DDHD2: variants seen among roughly 807,000 people sequenced by gnomAD.
DDHD2 encodes triacylglycerol hydrolase DDHD2.
Under a neutral mutation model 91.2 loss-of-function variants are expected in DDHD2, and 62 were observed. The observed-to-expected ratio is 0.68, with a 90% CI of 0.55 to 0.84. The LOEUF (loss-of-function observed/expected upper bound fraction) is 0.84. Ranked by LOEUF, DDHD2 falls within the 40% of genes least tolerant of loss-of-function variation. The pLI, the probability that DDHD2 is intolerant of heterozygous loss-of-function variation, is 0.00. For synonymous variants in DDHD2, 271 were observed against 293.9 expected (o/e 0.92, Z 0.80); for missense variants, 740 against 846.9 (o/e 0.87, Z 1.57).
chr8:38,266,105 A>C (rs1428697665), downstream of DDHD2: 1 of 1,598,278 alleles, frequency 6.3e-7, no homozygotes, highest in African/African-American at 1.3e-5. Flanking sequence ...AATGAGTGAA[A>C]TATGCAAGCT....
At position 38,252,833 on chromosome 8, in the gene DDHD2, G is replaced by A. The variant is rs745620727; in HGVS notation, c.1720+9G>A. The A allele has an allele frequency of 5.0e-6, 8 of 1,613,150 alleles. No individual in the cohort carries two copies. Among genetic ancestry groups the A allele is most frequent in the Middle Eastern group, 3.3e-4 (2 of 6,082 alleles). ...GAAGCGGATGCACTTAGGTAAGTCC[G>A]AGCATAGAACTTGATAATTCTAGAC... On this transcript the variant is annotated intron_variant, in intron 14 of 17. Transcript: ENST00000397166.
chr8:38,249,455 GTTTTTTTTT>G (rs74689881), intron 10 of DDHD2, among the ~76,000 whole-genome samples: 3 of 108,676 alleles, frequency 2.8e-5, no homozygotes, highest in Non-Finnish European at 6.0e-5. Flanking sequence ...CAACTTCTCT[GTTTTTTTTT>G]TTTTTTTTTA....
chr8:38,232,258 CCTT>C (rs1331031107), intron 1 of DDHD2: 1 of 152,462 alleles, frequency 6.6e-6, no homozygotes, highest in Non-Finnish European at 1.5e-5. Context: ...TTAGAAGTGT[CCTT>C]CTGGTGCCTG....
downstream of DDHD2, chr8:38,266,387 G>A (rs2130925042): frequency 7.7e-7 from 1 of 1,290,772 alleles, no homozygotes; most frequent in Non-Finnish European, 1.1e-6. Flanking sequence ...AGGAGGCTAG[G>A]AAGCATGAGT....
intron 1 of DDHD2, chr8:38,270,267 A>C (rs748117459): frequency 1.3e-5 from 2 of 152,238 alleles, no homozygotes; most frequent in Non-Finnish European, 2.9e-5. Context: ...CAGGATCTAC[A>C]AAGTTTATTA....
intron 11 of DDHD2, chr8:38,250,399 G>A (rs936420910): frequency 6.6e-6 from 1 of 151,828 alleles, no homozygotes; most frequent in African/African-American, 2.4e-5. Flanking sequence ...GAGTAGCTGG[G>A]ATTCCAGGTG....
chr8:38,237,565 G>A lies in DDHD2; in HGVS notation c.439G>A (p.Asp147Asn). 6.3e-7 allele frequency: 1 copy of A among 1,597,166 alleles called. No homozygotes were observed. The highest frequency in any genetic ancestry group is 8.5e-7 in the Non-Finnish European group (1 of 1,170,532). The change falls in exon 4 of 18, where the codon GAT (aspartate) becomes AAT (asparagine). Residue 147 changes from aspartate to asparagine, a missense_variant. This residue lies in a region of DDHD2 where 693 missense variants were observed against 764.2 expected (regional missense o/e 0.91). Coordinates refer to ENST00000397166, the MANE Select transcript of DDHD2 (RefSeq NM_015214.3). Reference protein sequence around the residue: ...EETYMLAVTLDEWKKKLESPN... With the variant: ...EETYMLAVTLNEWKKKLESPN... Reference sequence around the variant, plus strand: ...AACTTACATGCTTGCTGTAACTTTGGATGAATGGAAAAAGAAACTGGAATC... The same window carrying A: ...AACTTACATGCTTGCTGTAACTTTGAATGAATGGAAAAAGAAACTGGAATC...
In DDHD2 at chr8:38,269,271, G is replaced by A. The variant is rs535071359; in HGVS notation, n.88-1851G>A. On this transcript the variant is annotated intron_variant and non_coding_transcript_variant, in intron 1 of 1. Coordinates refer to the DDHD2 transcript ENST00000526071. ...CGGGGAGGGCCGGGCCGGGAACTGGGCACCGCCCCCTCTCCCAGTTGCCCG... is the reference window on the plus strand; with the variant it reads ...CGGGGAGGGCCGGGCCGGGAACTGGACACCGCCCCCTCTCCCAGTTGCCCG... The A allele has an allele frequency of 4.3e-4, 571 of 1,337,016 alleles. 4 individuals carry two copies. In the South Asian group the frequency reaches 5.6e-3, roughly 13 times the overall value. The allele number at this position is 1,337,016 out of a possible 1,614,324, so 82.8% of individuals were successfully genotyped here. A position where few individuals can be genotyped will look rare whatever the true frequency, so the allele number is the denominator to read the frequency against.
At chr8:38,253,307 G>A in intron 15 of DDHD2, 180 bp downstream of exon 15, 3 of 793,728 alleles carry the variant, frequency 3.8e-6, no homozygotes, top group Non-Finnish European at 5.8e-6. Context: ...ATAAACCCAA[G>A]GCAAATGACC....
At chr8:38,264,456 A>G, downstream of DDHD2, 1 of 1,548,320 alleles carries the variant, frequency 6.5e-7, no homozygotes, top group Non-Finnish European at 8.7e-7. Context: ...AAATATCAAA[A>G]CAATAAGAAT....
At chr8:38,273,259 G>A (rs1808530070), downstream of DDHD2, 2 of 152,180 alleles carry the variant, frequency 1.3e-5, no homozygotes, top group Non-Finnish European at 2.9e-5. Flanking sequence ...GCCTCCCAAA[G>A]TGCTGGGATT....
At chr8:38,244,036 C>T (rs949538394) in intron 7 of DDHD2, among the ~76,000 whole-genome samples, 3 of 151,726 alleles carry the variant, frequency 2.0e-5, no homozygotes. Flanking sequence ...CTCTTGACCT[C>T]AGGTGATCCG....
At chr8:38,238,348 T>G in intron 5 of DDHD2, 139 bp downstream of exon 5, 1 of 1,450,228 alleles carries the variant, frequency 6.9e-7, no homozygotes, top group Non-Finnish European at 9.1e-7. Context: ...AAGTTGAGAT[T>G]AGCATCACTT....
chr8:38,254,492 C>T (rs1806355903), intron 16 of DDHD2, among the ~76,000 whole-genome samples: 2 of 151,882 alleles, frequency 1.3e-5, no homozygotes, highest in African/African-American at 4.8e-5. Flanking sequence ...GTGATCCTCC[C>T]CCCTCAGTCT....
At chr8:38,267,566 T>G, downstream of DDHD2, 2 of 769,830 alleles carry the variant, frequency 2.6e-6, no homozygotes, top group Non-Finnish European at 4.0e-6. Flanking sequence ...AGGTGAGCAT[T>G]TAAATTAGGG....
intron 2 of DDHD2, 133 bp from the exon 3 acceptor site, chr8:38,234,261 G>A (rs901261420): frequency 5.5e-6 from 3 of 540,998 alleles, no homozygotes; most frequent in Non-Finnish European, 9.1e-6. Context: ...ATTCCATTTT[G>A]TTTGGTGTTT....
rs1806170747 is a variant in DDHD2 at position 38,252,280 on chromosome 8, A to G, written c.1610A>G (p.Tyr537Cys). 1.2e-6 allele frequency: 2 copies of G among 1,612,844 alleles called. No individual in the cohort carries two copies. The highest frequency in any genetic ancestry group is 1.7e-6 in the Non-Finnish European group (2 of 1,179,622). Residue 537 changes from tyrosine to cysteine, a missense_variant, in exon 13 of 18, where the codon TAT becomes TGT. Tyr to Cys is a radical substitution (Grantham distance 194). Around this residue, in one of 2 missense-constraint regions of DDHD2, gnomAD observed 693 missense variants for 764.2 expected, o/e 0.91. Coordinates refer to ENST00000397166, the MANE Select transcript of DDHD2 (RefSeq NM_015214.3). ...FPTCKGFFNI[Y>C]HPFDPVAYRI... ...ACGTGCAAAGGTTTCTTCAATATTT[A>G]TCACCCTGTAAGCATTGTACAGCTA...
intron 1 of DDHD2, chr8:38,268,200 T>C (rs1197728935): frequency 9.1e-7 from 1 of 1,095,224 alleles, no homozygotes; most frequent in Non-Finnish European, 1.3e-6. Context: ...GCCTGCCGTG[T>C]AGCCTGCGTA....
At chr8:38,267,733 C>A, downstream of DDHD2, 1 of 736,626 alleles carries the variant, frequency 1.4e-6, no homozygotes, top group Non-Finnish European at 2.2e-6. Flanking sequence ...ACCTGGAGGA[C>A]TGAGGTATGG....
Sources: gnomAD v4.1 joint callset for allele counts (sites outside exome capture counted in the v4.1 genomes callset) on GRCh38, gnomAD v4.1.1 for gene constraint, gnomAD v4.1.1 regional missense constraint, MANE v1.5 for transcripts, NCBI Gene and HGNC (gene_info 2026-07-23, HGNC 2026-07-21) for gene names.